The following SHISA9 variants were observed in gnomAD, a reference collection of about 807,000 sequenced individuals.
SHISA9 encodes the protein shisa family member 9, also known as protein shisa-9.
Under a neutral mutation model 38.0 loss-of-function variants are expected in SHISA9, and 13 were observed. The ratio of observed to expected loss-of-function variants is 0.34; its 90% CI spans 0.22 to 0.54. The LOEUF (loss-of-function observed/expected upper bound fraction) is 0.54. SHISA9 is among the 20% of genes least tolerant of loss of function. The pLI is 0.91. For synonymous variants in SHISA9, 275 were observed against 242.0 expected, an observed-to-expected ratio of 1.14 and a Z score of -1.27; for missense variants, 538 against 575.8, an observed-to-expected ratio of 0.93 and a Z score of 0.67.
chr16:13,534,187 ATTCTATCTCCATATGT>A, the SHISA9 span, among the ~76,000 whole-genome samples: 1 of 148,094 alleles, frequency 6.8e-6, no homozygotes, highest in East Asian at 2.1e-4. Context: ...ATTCAAGAGT[ATTCTATCTCCATATGT>A]CTCTTATCCA....
At chr16:13,523,601 G>A in the SHISA9 span, among the ~76,000 whole-genome samples, 1 of 152,188 alleles carries the variant, frequency 6.6e-6, no homozygotes, top group Non-Finnish European at 1.5e-5. Flanking sequence ...ACATGGAAAA[G>A]CAGGAGCAAA....
chr16:12,956,843 C>G (rs569278574), intron 2 of SHISA9, among the ~76,000 whole-genome samples: 1 of 151,956 alleles, frequency 6.6e-6, no homozygotes, highest in Non-Finnish European at 1.5e-5. Flanking sequence ...TACCTATATA[C>G]CCCCCAAATC....
the SHISA9 span, among the ~76,000 whole-genome samples, chr16:13,314,407 T>C: frequency 6.6e-6 from 1 of 151,850 alleles, no homozygotes; most frequent in African/African-American, 2.4e-5. Flanking sequence ...GTAGTAGTAG[T>C]AGTAGTATTT....
chr16:13,271,655 C>T, the SHISA9 span, among the ~76,000 whole-genome samples: 1 of 152,080 alleles, frequency 6.6e-6, no homozygotes, highest in Non-Finnish European at 1.5e-5. Flanking sequence ...CACCAAATTG[C>T]ATGATTCTAG....
chr16:13,121,468 A>T (rs1025038922), intron 2 of SHISA9, among the ~76,000 whole-genome samples: 4 of 152,178 alleles, frequency 2.6e-5, no homozygotes, highest in Non-Finnish European at 1.5e-5. Context: ...CTTCAGCTTG[A>T]GTGGCAGAGC....
At chr16:13,213,013 G>A (rs980358841) in intron 3 of SHISA9, among the ~76,000 whole-genome samples, 2 of 152,154 alleles carry the variant, frequency 1.3e-5, no homozygotes, top group Non-Finnish European at 2.9e-5. Context: ...TTTTCAGGAG[G>A]CTTCTTTTGA....
chr16:13,139,229 C>T (rs2050376412), intron 2 of SHISA9, among the ~76,000 whole-genome samples: 2 of 151,496 alleles, frequency 1.3e-5, no homozygotes, highest in Non-Finnish European at 1.5e-5. Flanking sequence ...TCACTCCCTT[C>T]CTTTCTTCTT....
intron 2 of SHISA9, among the ~76,000 whole-genome samples, chr16:13,005,567 C>A (rs756797143): frequency 1.1e-4 from 16 of 152,168 alleles, no homozygotes; most frequent in Non-Finnish European, 1.5e-5. Context: ...AGAAAGCAAG[C>A]TTCTCTTGCT....
At chr16:13,071,489 CG>C (rs1294808035) in intron 2 of SHISA9, among the ~76,000 whole-genome samples, 1 of 152,044 alleles carries the variant, frequency 6.6e-6, no homozygotes, top group Non-Finnish European at 1.5e-5. Flanking sequence ...GATGCAGCCT[CG>C]ATTTTAACCC....
the SHISA9 span, among the ~76,000 whole-genome samples, chr16:13,254,658 C>T: frequency 6.6e-6 from 1 of 152,252 alleles, no homozygotes; most frequent in African/African-American, 2.4e-5. Context: ...CCCCACTAAT[C>T]ACCTCCCCCA....
chr16:13,154,600 A>G (rs1029263029), intron 2 of SHISA9, among the ~76,000 whole-genome samples: 1 of 152,212 alleles, frequency 6.6e-6, no homozygotes, highest in Non-Finnish European at 1.5e-5. Flanking sequence ...GAGCAATACA[A>G]CTTTGTTGAT....
intron 2 of SHISA9, among the ~76,000 whole-genome samples, chr16:13,086,850 CTTTT>C (rs11382833): frequency 6.6e-6 from 1 of 151,584 alleles, no homozygotes; most frequent in African/African-American, 2.4e-5. Context: ...CATCTGTTTT[CTTTT>C]TTATTATTAT....
At chr16:12,955,276 A>T (rs1398218612) in intron 2 of SHISA9, among the ~76,000 whole-genome samples, 1 of 152,026 alleles carries the variant, frequency 6.6e-6, no homozygotes, top group Admixed American at 6.6e-5. Flanking sequence ...CTTAATGGCC[A>T]TTGCTTCCTC....
chr16:13,054,203 T>G (rs2073284590), intron 2 of SHISA9, among the ~76,000 whole-genome samples: 1 of 152,224 alleles, frequency 6.6e-6, no homozygotes, highest in Admixed American at 6.5e-5. Flanking sequence ...AACACTGGCC[T>G]TAAGCAAACC....
At chr16:13,427,362 C>T in the SHISA9 span, among the ~76,000 whole-genome samples, 1 of 152,230 alleles carries the variant, frequency 6.6e-6, no homozygotes, top group Non-Finnish European at 1.5e-5. Flanking sequence ...ATTTGACTTT[C>T]TGACTTGACT....
intron 2 of SHISA9, among the ~76,000 whole-genome samples, chr16:12,970,404 C>T (rs944618141): frequency 0.026 from 294 of 11,528 alleles, 7 homozygotes; most frequent in East Asian, 0.11. Flanking sequence ...TATATATATA[C>T]ATATATATAT....
At chr16:13,092,542 C>T (rs2073785659) in intron 2 of SHISA9, among the ~76,000 whole-genome samples, 1 of 152,256 alleles carries the variant, frequency 6.6e-6, no homozygotes. Context: ...ACGCCTCTCT[C>T]CCAGCCAGGC....
the SHISA9 span, among the ~76,000 whole-genome samples, chr16:13,528,424 T>C: frequency 2.8e-3 from 425 of 150,102 alleles, 3 homozygotes; most frequent in African/African-American, 9.7e-3. Context: ...AAAAAAAAAA[T>C]AAGAAAAAAA....
intron 2 of SHISA9, among the ~76,000 whole-genome samples, chr16:13,139,378 G>A (rs1382313900): frequency 8.0e-4 from 18 of 22,432 alleles, no homozygotes; most frequent in African/African-American, 4.8e-3. Flanking sequence ...CCCTCCCTCC[G>A]TCCCTCCCTT....
Sources: allele counts gnomAD v4.1 joint callset (sites outside exome capture counted in the v4.1 genomes callset), GRCh38; gene constraint gnomAD v4.1.1; transcripts MANE v1.5; gene names NCBI Gene and HGNC (gene_info 2026-07-23, HGNC 2026-07-21).